Variants in CAB39L observed in about 807,000 individuals in gnomAD.
CAB39L encodes the protein calcium-binding protein 39-like.
CAB39L carries 23 observed loss-of-function variants against 39.1 expected under a neutral mutation model. The ratio of observed to expected loss-of-function variants is 0.59; its 90% CI spans 0.42 to 0.83. The LOEUF (loss-of-function observed/expected upper bound fraction) is 0.83, where lower values mean the gene tolerates loss of function less well. CAB39L is among the 40% of genes least tolerant of loss of function. The pLI, the probability that CAB39L is intolerant of heterozygous loss-of-function variation, is 0.00. For missense variants in CAB39L, 366 were observed against 391.9 expected (o/e 0.93, Z 0.56); for synonymous variants, 126 against 137.2 (o/e 0.92, Z 0.57).
intron 1 of CAB39L, among the ~76,000 whole-genome samples, chr13:49,437,391 T>C (rs1957434740): frequency 6.6e-6 from 1 of 152,134 alleles, no homozygotes; most frequent in African/African-American, 2.4e-5. Flanking sequence ...TCCAGGTAGA[T>C]GGTGACCCTT....
chr13:49,329,548 T>A (rs772132371), intron 10 of CAB39L, among the ~76,000 whole-genome samples: 1,694 of 9,092 alleles, frequency 0.19, 279 homozygotes, highest in East Asian at 0.5. Flanking sequence ...AAAAAAAATA[T>A]ATATATATAT....
intron 5 of CAB39L, among the ~76,000 whole-genome samples, chr13:49,373,182 C>T (rs1464199204): frequency 6.6e-6 from 1 of 152,124 alleles, no homozygotes; most frequent in Non-Finnish European, 1.5e-5. Flanking sequence ...AACCTTTCTC[C>T]TTTCTTCTAT....
chr13:49,311,926 C>T (rs1954005114), intron 10 of CAB39L, among the ~76,000 whole-genome samples: 1 of 152,188 alleles, frequency 6.6e-6, no homozygotes, highest in African/African-American at 2.4e-5. Flanking sequence ...CAGGGTCTCG[C>T]TCTGTCACCC....
chr13:49,409,464 A>C (rs1956945552), intron 3 of CAB39L, among the ~76,000 whole-genome samples: 1 of 144,760 alleles, frequency 6.9e-6, no homozygotes, highest in Non-Finnish European at 1.5e-5. Flanking sequence ...AAAAAAAAAA[A>C]AACCTTTCAA....
At position 49,310,557 on chromosome 13, in the gene CAB39L, G is replaced by C; in HGVS notation, c.*257C>G. ...TGTGCCCAGGGGCTCACATCTGCAAGTTAAAATTGCTTTTATCAACATCTG... is the reference window on the plus strand; with the variant it reads ...TGTGCCCAGGGGCTCACATCTGCAACTTAAAATTGCTTTTATCAACATCTG... On this transcript the variant is annotated 3_prime_UTR_variant, in exon 11 of 11. Coordinates refer to ENST00000409308, the MANE Select transcript of CAB39L (RefSeq NM_001079670.3). The C allele has an allele frequency of 3.1e-6, 1 of 321,838 alleles. No homozygotes were observed. Among genetic ancestry groups the C allele is most frequent in the Non-Finnish European group, 5.7e-6 (1 of 175,418 alleles). 19.9% of individuals were successfully genotyped at this position (321,838 alleles called of 1,614,324 possible).
chr13:49,364,723 A>G (rs1170622396), intron 5 of CAB39L, among the ~76,000 whole-genome samples: 1 of 152,160 alleles, frequency 6.6e-6, no homozygotes, highest in Non-Finnish European at 1.5e-5. Context: ...ATACCTAGAA[A>G]TTAACTTAAC....
At chr13:49,396,687 G>T (rs1455897123) in intron 3 of CAB39L, among the ~76,000 whole-genome samples, 1 of 151,948 alleles carries the variant, frequency 6.6e-6, no homozygotes, top group Non-Finnish European at 1.5e-5. Flanking sequence ...CAGCCTGGGT[G>T]ATATAGCGAG....
chr13:49,374,910 T>C (rs1176565809), intron 5 of CAB39L, among the ~76,000 whole-genome samples: 1 of 152,222 alleles, frequency 6.6e-6, no homozygotes, highest in African/African-American at 2.4e-5. Context: ...TAGCTTAATA[T>C]GCTGCTGTTC....
chr13:49,381,958 A>G (rs1861064256), intron 4 of CAB39L, among the ~76,000 whole-genome samples: 3 of 152,226 alleles, frequency 2.0e-5, no homozygotes, highest in Non-Finnish European at 2.9e-5. Context: ...ACATCAATGT[A>G]TATGTCATCA....
intron 3 of CAB39L, among the ~76,000 whole-genome samples, chr13:49,405,335 T>C (rs564632027): frequency 3.3e-4 from 50 of 152,126 alleles, no homozygotes; most frequent in Middle Eastern, 3.4e-3. Flanking sequence ...CCAGTGAAAA[T>C]ATCCTTCAAA....
intron 3 of CAB39L, among the ~76,000 whole-genome samples, chr13:49,406,534 ATT>A (rs1320794748): frequency 1.3e-5 from 2 of 151,630 alleles, no homozygotes; most frequent in African/African-American, 4.8e-5. Flanking sequence ...TGGATACCCT[ATT>A]TACCCTGAGG....
At chr13:49,405,590 C>T (rs981697095) in intron 3 of CAB39L, among the ~76,000 whole-genome samples, 8 of 151,946 alleles carry the variant, frequency 5.3e-5, no homozygotes, top group African/African-American at 1.9e-4. Context: ...GCCTGAATAA[C>T]ATAGCAAGAC....
chr13:49,319,781 TG>T (rs1357528621), intron 10 of CAB39L, among the ~76,000 whole-genome samples: 2 of 151,468 alleles, frequency 1.3e-5, no homozygotes, highest in African/African-American at 4.9e-5. Context: ...AAAAATTGCC[TG>T]GCATTTTGTG....
chr13:49,440,753 TGTGTG>T (rs1291542041), intron 1 of CAB39L, among the ~76,000 whole-genome samples: 143 of 145,856 alleles, frequency 9.8e-4, no homozygotes, highest in African/African-American at 3.7e-3. Flanking sequence ...TGTGTGTGTG[TGTGTG>T]TATGGCTATC....
At chr13:49,428,535 T>C (rs1036767138) in intron 3 of CAB39L, among the ~76,000 whole-genome samples, 1 of 152,162 alleles carries the variant, frequency 6.6e-6, no homozygotes, top group Non-Finnish European at 1.5e-5. Context: ...GTGGGGGCCA[T>C]CTTGGAGGCT....
At chr13:49,358,806 G>A (rs1196989374) in intron 6 of CAB39L, among the ~76,000 whole-genome samples, 4 of 152,086 alleles carry the variant, frequency 2.6e-5, no homozygotes, top group African/African-American at 9.7e-5. Flanking sequence ...GTTGCAGTGA[G>A]CCAAGATCGC....
chr13:49,404,539 GA>G (rs1343199747), intron 3 of CAB39L, among the ~76,000 whole-genome samples: 1 of 151,304 alleles, frequency 6.6e-6, no homozygotes, highest in Non-Finnish European at 1.5e-5. Context: ...CAAACATCCA[GA>G]AGCATCAAGA....
chr13:49,342,064 G>T (rs888929629), intron 8 of CAB39L, among the ~76,000 whole-genome samples: 8 of 152,126 alleles, frequency 5.3e-5, no homozygotes, highest in Non-Finnish European at 7.4e-5. Context: ...TAAAAGAGAA[G>T]TAGTTAAATA....
rs370105783 is a variant in CAB39L, at chr13:49,408,728, G to T, written c.-32+24590C>A. ...CTCTTGTGGTCCCAGCTACTCGAGG[G>T]GTTGAGCTGGGAGGGTCATTTGAGC... On this transcript the variant is annotated intron_variant, in intron 3 of 10. Coordinates refer to ENST00000409308, the MANE Select transcript of CAB39L (RefSeq NM_001079670.3). Among the ~76,000 whole-genome samples the T allele has an allele frequency of 4.6e-5, 7 of 152,178 alleles. No homozygotes were observed. In the East Asian group the frequency reaches 1.2e-3, roughly 25 times the overall value.
Sources: allele counts gnomAD v4.1 joint callset (sites outside exome capture counted in the v4.1 genomes callset), GRCh38; gene constraint gnomAD v4.1.1; transcripts MANE v1.5; gene names NCBI Gene and HGNC (gene_info 2026-07-23, HGNC 2026-07-21).